YTHDC2: variants seen among roughly 807,000 people sequenced by gnomAD.
YTHDC2 encodes the protein YTH N6-methyladenosine RNA binding protein C2.
YTHDC2 carries 45 observed loss-of-function variants against 174.9 expected under a neutral mutation model. That is an observed-to-expected ratio of 0.26 (90% confidence interval 0.20 to 0.33). The LOEUF is 0.33. Among genes scored for constraint, YTHDC2 ranks in the 10% least tolerant of loss-of-function variants. YTHDC2 has a pLI of 1.00. For missense variants in YTHDC2, 1,650 were observed against 1,723.7 expected (o/e 0.96, Z 0.76); for synonymous variants, 657 against 574.5 (o/e 1.14, Z -2.05).
At chr5:113,519,129 G>T (rs181531272) in intron 2 of YTHDC2, among the ~76,000 whole-genome samples, 1 of 151,950 alleles carries the variant, frequency 6.6e-6, no homozygotes, top group Admixed American at 6.6e-5. Context: ...TGCCTAGGCC[G>T]CCCAAAGTAT....
At chr5:113,540,743 A>G (rs1418774721) in intron 8 of YTHDC2, among the ~76,000 whole-genome samples, 2 of 152,242 alleles carry the variant, frequency 1.3e-5, no homozygotes. Context: ...GGGTGGAGAC[A>G]TAAAGCCTAA....
chr5:113,531,177 T>G (rs1046667969), intron 4 of YTHDC2, among the ~76,000 whole-genome samples: 1 of 151,608 alleles, frequency 6.6e-6, no homozygotes, highest in Non-Finnish European at 1.5e-5. Flanking sequence ...AAAATATTTG[T>G]TGGTGGTACT....
intron 9 of YTHDC2, 68 bp downstream of exon 9, chr5:113,541,184 A>T: frequency 4.7e-6 from 7 of 1,497,484 alleles, no homozygotes; most frequent in South Asian, 2.4e-5. Context: ...ACATTTTATG[A>T]GCTTATAATT....
chr5:113,535,931 A>G, intron 7 of YTHDC2, 133 bp downstream of exon 7: 2 of 669,880 alleles, frequency 3.0e-6, no homozygotes, highest in Non-Finnish European at 4.7e-6. Flanking sequence ...GATAGGCTTA[A>G]TTGTCACTTC....
At chr5:113,568,028 AT>A (rs1777462553) in intron 23 of YTHDC2, among the ~76,000 whole-genome samples, 179 bp downstream of exon 23, 1 of 152,096 alleles carries the variant, frequency 6.6e-6, no homozygotes, top group Non-Finnish European at 1.5e-5. Flanking sequence ...TTTGAAATTT[AT>A]TTATAAGGTA....
chr5:113,581,336 C>G (rs1778390530), intron 24 of YTHDC2, 81 bp from the exon 25 acceptor site: 2 of 1,308,916 alleles, frequency 1.5e-6, no homozygotes, highest in Non-Finnish European at 2.0e-6. Flanking sequence ...GAAACAGTTG[C>G]AAACTAATGG....
intron 2 of YTHDC2, among the ~76,000 whole-genome samples, chr5:113,518,597 G>A (rs1178666269): frequency 2.8e-5 from 4 of 142,548 alleles, no homozygotes; most frequent in African/African-American, 7.9e-5. Context: ...GTGTGTGTGT[G>A]TGTATCTGTA....
At chr5:113,581,734 A>G (rs748393322) in intron 25 of YTHDC2, 25 bp downstream of exon 25, 1 of 1,448,670 alleles carries the variant, frequency 6.9e-7, no homozygotes, top group Non-Finnish European at 9.1e-7. Flanking sequence ...TTTTACCAAA[A>G]TGGGTCACTT....
At chr5:113,524,244 A>G (rs1774063893) in intron 2 of YTHDC2, among the ~76,000 whole-genome samples, 1 of 152,138 alleles carries the variant, frequency 6.6e-6, no homozygotes, top group Non-Finnish European at 1.5e-5. Context: ...AATCATTCAA[A>G]ACACATCTGG....
chr5:113,518,243 T>C (rs1027292035), intron 2 of YTHDC2, among the ~76,000 whole-genome samples: 22 of 150,772 alleles, frequency 1.5e-4, no homozygotes, highest in African/African-American at 5.4e-4. Flanking sequence ...ACCCAGGCTT[T>C]AGTGCAGTGG....
chr5:113,537,351 GGC>G (rs920881312), intron 7 of YTHDC2, among the ~76,000 whole-genome samples: 3 of 139,846 alleles, frequency 2.1e-5, no homozygotes, highest in Admixed American at 7.4e-5. Flanking sequence ...TTTTATGGTT[GGC>G]TCTCTCTCTT....
At chr5:113,571,956 C>G (rs573631671) in intron 23 of YTHDC2, among the ~76,000 whole-genome samples, 5 of 152,064 alleles carry the variant, frequency 3.3e-5, no homozygotes, top group Admixed American at 1.3e-4. Flanking sequence ...AGGGTTTTTC[C>G]TGTCTCTATC....
chr5:113,521,932 G>T (rs529167312), intron 2 of YTHDC2, among the ~76,000 whole-genome samples: 1 of 151,734 alleles, frequency 6.6e-6, no homozygotes, highest in East Asian at 1.9e-4. Context: ...TGAACTGGTT[G>T]GTTTATTAGT....
chr5:113,554,278 A>C (rs1200310681), intron 16 of YTHDC2, among the ~76,000 whole-genome samples: 1 of 152,084 alleles, frequency 6.6e-6, no homozygotes. Flanking sequence ...TTGTTATTTT[A>C]ACAAAGTATA....
intron 13 of YTHDC2, 94 bp from the exon 14 acceptor site, chr5:113,553,496 G>A (rs1776401714): frequency 2.0e-6 from 3 of 1,466,370 alleles, no homozygotes; most frequent in African/African-American, 2.8e-5. Context: ...TAGTTTACCA[G>A]TACTTGAAAA....
chr5:113,593,273 T>C (rs367547012), intron 28 of YTHDC2, 30 bp from the exon 29 acceptor site: 4 of 1,577,798 alleles, frequency 2.5e-6, no homozygotes, highest in Non-Finnish European at 3.5e-6. Context: ...CAGTTCTTTT[T>C]ATGTTTATTT....
chr5:113,580,507 T>A (rs375220058), intron 24 of YTHDC2, among the ~76,000 whole-genome samples: 22 of 152,146 alleles, frequency 1.4e-4, no homozygotes, highest in East Asian at 1.2e-3. Flanking sequence ...TCCAAGATCA[T>A]TCTCTATACA....
intron 23 of YTHDC2, 145 bp from the exon 24 acceptor site, chr5:113,579,441 T>C (rs547251426): frequency 6.1e-6 from 3 of 488,626 alleles, no homozygotes; most frequent in Non-Finnish European, 1.1e-5. Context: ...ATTTAACATG[T>C]GATCTTTTGA....
intron 20 of YTHDC2, 29 bp downstream of exon 20, chr5:113,564,160 G>T (rs771650707): frequency 2.4e-5 from 38 of 1,566,318 alleles, no homozygotes; most frequent in Non-Finnish European, 3.0e-5. Flanking sequence ...TATTTCTGAA[G>T]ACGTTGCTGG....
Sources: allele counts gnomAD v4.1 joint callset (sites outside exome capture counted in the v4.1 genomes callset), GRCh38; gene constraint gnomAD v4.1.1; transcripts MANE v1.5; gene names NCBI Gene and HGNC (gene_info 2026-07-23, HGNC 2026-07-21).